Variants in MAGI2 observed in about 807,000 individuals in gnomAD.
MAGI2 encodes membrane associated guanylate kinase, WW and PDZ domain containing 2.
In MAGI2, 35 loss-of-function variants were observed where a neutral mutation model predicts 133.3. That is an observed-to-expected ratio of 0.26 (90% CI 0.20 to 0.35). The LOEUF (loss-of-function observed/expected upper bound fraction) is 0.35. Ranked by LOEUF, MAGI2 falls within the 10% of genes least tolerant of loss-of-function variation. The pLI is 1.00. For synonymous variants in MAGI2, 729 were observed against 710.6 expected, an observed-to-expected ratio of 1.03 and a Z score of -0.41; for missense variants, 1,636 against 1,863.4, an observed-to-expected ratio of 0.88 and a Z score of 2.25.
chr7:79,257,114 A>T (rs1242021782), intron 1 of MAGI2, among the ~76,000 whole-genome samples: 2 of 152,110 alleles, frequency 1.3e-5, no homozygotes, highest in Admixed American at 6.6e-5. Context: ...TACTATATAT[A>T]TTTCAAAACA....
chr7:78,071,637 A>C (rs986252261), intron 21 of MAGI2, among the ~76,000 whole-genome samples: 1 of 152,168 alleles, frequency 6.6e-6, no homozygotes, highest in Admixed American at 6.5e-5. Flanking sequence ...GGTTGCCTAC[A>C]TGCTGCAGAG....
intron 3 of MAGI2, among the ~76,000 whole-genome samples, chr7:78,572,434 G>A (rs1329608298): frequency 6.6e-6 from 1 of 152,138 alleles, no homozygotes; most frequent in Non-Finnish European, 1.5e-5. Flanking sequence ...GGGCTATGCT[G>A]TTAAATTGGC....
intron 1 of MAGI2, among the ~76,000 whole-genome samples, chr7:79,028,241 A>G (rs1375134175): frequency 2.4e-5 from 1 of 41,622 alleles, no homozygotes; most frequent in African/African-American, 9.8e-5. Flanking sequence ...GTATGTATAT[A>G]TATATATATA....
chr7:79,099,288 C>G (rs1350477812), intron 1 of MAGI2, among the ~76,000 whole-genome samples: 1 of 151,624 alleles, frequency 6.6e-6, no homozygotes, highest in Non-Finnish European at 1.5e-5. Context: ...GAGTATCATA[C>G]AAAGTTCTAG....
intron 6 of MAGI2, among the ~76,000 whole-genome samples, chr7:78,489,371 C>G (rs1360944398): frequency 6.6e-6 from 1 of 152,000 alleles, no homozygotes; most frequent in African/African-American, 2.4e-5. Flanking sequence ...AATGCTAAGC[C>G]TTTCAAAACA....
intron 15 of MAGI2, among the ~76,000 whole-genome samples, chr7:78,167,248 A>AT (rs1236429939): frequency 6.6e-6 from 1 of 152,136 alleles, no homozygotes; most frequent in East Asian, 1.9e-4. Context: ...AATATAAATA[A>AT]TTTTTTATAG....
intron 21 of MAGI2, among the ~76,000 whole-genome samples, chr7:78,051,397 G>A (rs932328227): frequency 3.3e-5 from 5 of 152,160 alleles, no homozygotes; most frequent in African/African-American, 1.2e-4. Context: ...AATGGAAGGA[G>A]CAATAAAAAT....
At chr7:78,076,852 C>CA (rs1242148618) in intron 21 of MAGI2, among the ~76,000 whole-genome samples, 9,893 of 42,430 alleles carry the variant, frequency 0.23, 2,570 homozygotes, top group African/African-American at 0.32. Context: ...GACTCCGTCT[C>CA]AAAAAAAAAA....
intron 2 of MAGI2, among the ~76,000 whole-genome samples, chr7:78,934,917 AT>A (rs767960432): frequency 2.6e-5 from 4 of 152,168 alleles, no homozygotes; most frequent in African/African-American, 4.8e-5. Flanking sequence ...CACTATATAA[AT>A]TAGTTGAATT....
At chr7:78,641,204 G>A (rs533621847) in intron 2 of MAGI2, among the ~76,000 whole-genome samples, 62 of 152,186 alleles carry the variant, frequency 4.1e-4, no homozygotes, top group Middle Eastern at 3.4e-3. Flanking sequence ...ACAGTCTTGG[G>A]TATGTTCTCA....
At chr7:78,543,937 G>C (rs1798612955) in intron 3 of MAGI2, among the ~76,000 whole-genome samples, 1 of 152,100 alleles carries the variant, frequency 6.6e-6, no homozygotes, top group African/African-American at 2.4e-5. Flanking sequence ...TTATTGCTTA[G>C]AAAAATAAAA....
intron 1 of MAGI2, among the ~76,000 whole-genome samples, chr7:79,096,813 C>T (rs1562885548): frequency 6.6e-6 from 1 of 152,174 alleles, no homozygotes; most frequent in African/African-American, 2.4e-5. Context: ...GTTTACTACA[C>T]TAGCAACCAA....
intron 2 of MAGI2, among the ~76,000 whole-genome samples, chr7:78,730,071 TG>T (rs1490650410): frequency 6.6e-6 from 1 of 152,086 alleles, no homozygotes; most frequent in Non-Finnish European, 1.5e-5. Flanking sequence ...ATAAACCAAA[TG>T]CAACTCAAAT....
intron 1 of MAGI2, among the ~76,000 whole-genome samples, chr7:79,200,716 T>C (rs1160237590): frequency 1.3e-5 from 2 of 151,972 alleles, no homozygotes; most frequent in African/African-American, 2.4e-5. Flanking sequence ...GGTGATACTA[T>C]GACATCAGGA....
At chr7:78,075,017 T>C (rs1245371337) in intron 21 of MAGI2, among the ~76,000 whole-genome samples, 2 of 152,186 alleles carry the variant, frequency 1.3e-5, no homozygotes, top group African/African-American at 4.8e-5. Flanking sequence ...AATGTAAACA[T>C]TTTACTAAAT....
At chr7:78,874,539 T>A (rs1382548256) in intron 2 of MAGI2, among the ~76,000 whole-genome samples, 1 of 152,124 alleles carries the variant, frequency 6.6e-6, no homozygotes, top group African/African-American at 2.4e-5. Flanking sequence ...AGGAACAGAA[T>A]GAAAAATTCC....
intron 1 of MAGI2, among the ~76,000 whole-genome samples, chr7:79,429,472 T>G (rs1847626424): frequency 6.6e-6 from 1 of 151,926 alleles, no homozygotes; most frequent in Non-Finnish European, 1.5e-5. Context: ...CCAGCTAATT[T>G]TTTTGTATTT....
chr7:78,445,049 T>C (rs1243861708), intron 6 of MAGI2, among the ~76,000 whole-genome samples: 1 of 151,802 alleles, frequency 6.6e-6, no homozygotes, highest in African/African-American at 2.4e-5. Context: ...CAAGAAGATC[T>C]CCTTGGGTGG....
chr7:79,076,287 G>A (rs986458507), intron 1 of MAGI2, among the ~76,000 whole-genome samples: 18 of 152,202 alleles, frequency 1.2e-4, no homozygotes, highest in African/African-American at 4.3e-4. Context: ...CAGATGGACT[G>A]GGGTTCTCAA....
Sources: gnomAD v4.1 joint callset for allele counts (sites outside exome capture counted in the v4.1 genomes callset) on GRCh38, gnomAD v4.1.1 for gene constraint, MANE v1.5 for transcripts, NCBI Gene and HGNC (gene_info 2026-07-23, HGNC 2026-07-21) for gene names.